The following MMP26 variants were observed in gnomAD, a reference collection of about 807,000 sequenced individuals.
MMP26 encodes matrix metallopeptidase 26.
A neutral mutation model predicts 31.0 loss-of-function variants in MMP26; 33 were observed. The observed-to-expected ratio is 1.06, with a 90% CI of 0.81 to 1.42. The LOEUF is 1.42. Among genes scored for constraint, MMP26 ranks in the 40% most tolerant of loss-of-function variants. The pLI, the probability that MMP26 is intolerant of heterozygous loss-of-function variation, is 0.00. For missense variants in MMP26, 347 were observed against 316.1 expected, an observed-to-expected ratio of 1.10 and a Z score of -0.74; for synonymous variants, 122 against 114.9, an observed-to-expected ratio of 1.06 and a Z score of -0.40.
intron 2 of MMP26, chr11:4,943,620 C>T: frequency 2.7e-6 from 1 of 374,226 alleles, no homozygotes; most frequent in South Asian, 2.1e-5. Flanking sequence ...CACCCACACC[C>T]CCAGGTTGCA....
At chr11:4,851,617 T>A (rs1274252959) in intron 2 of MMP26, among the ~76,000 whole-genome samples, 1 of 151,908 alleles carries the variant, frequency 6.6e-6, no homozygotes, top group African/African-American at 2.4e-5. Flanking sequence ...GAGTAAATTA[T>A]ATATATTATA....
intron 2 of MMP26, among the ~76,000 whole-genome samples, chr11:4,797,304 A>T (rs1480680611): frequency 6.6e-6 from 1 of 151,400 alleles, no homozygotes; most frequent in African/African-American, 2.4e-5. Context: ...TGTGTTTAAT[A>T]AAACCAGCTT....
In MMP26 at chr11:4,989,868, G is replaced by C. The variant is rs369052414; in HGVS notation, c.320G>C (p.Arg107Thr). The C allele has an allele frequency of 6.2e-7, 1 of 1,604,732 alleles. No individual in the cohort carries two copies. The highest frequency in any genetic ancestry group is 1.3e-5 in the African/African-American group (1 of 74,870). ...CKWNKHTLTYRIINYPHDMKP... is the reference protein window; with the variant it reads ...CKWNKHTLTYTIINYPHDMKP... The stretch of plus-strand genomic sequence containing the variant: ...TGGAATAAGCACACTCTAACTTACA[G>C]GTGCTTGTTACTAAGGCCTAGAGGA... Residue 107 changes from arginine to threonine, a missense_variant and splice_region_variant, in exon 4 of 8, where the codon AGG (arginine) becomes ACG (threonine). Transcript: ENST00000380390.
chr11:4,721,321 G>C (rs1848009257), intron 1 of MMP26, among the ~76,000 whole-genome samples: 1 of 152,192 alleles, frequency 6.6e-6, no homozygotes, highest in Non-Finnish European at 1.5e-5. Flanking sequence ...TGCTTTCACA[G>C]TTCACCAAGT....
At chr11:4,944,270 G>C (rs1163378637) in intron 2 of MMP26, 1 of 216,850 alleles carries the variant, frequency 4.6e-6, no homozygotes, top group East Asian at 1.5e-4. Flanking sequence ...TACTATCCTG[G>C]AGCATCAGAG....
At chr11:4,802,242 A>G (rs1849193497) in intron 2 of MMP26, among the ~76,000 whole-genome samples, 2 of 152,194 alleles carry the variant, frequency 1.3e-5, no homozygotes, top group Non-Finnish European at 1.5e-5. Context: ...AAATCATGCA[A>G]ATTAGATGTT....
intron 2 of MMP26, among the ~76,000 whole-genome samples, chr11:4,838,851 G>A (rs949165403): frequency 6.6e-6 from 1 of 152,072 alleles, no homozygotes; most frequent in East Asian, 1.9e-4. Context: ...CAAAAAAGTC[G>A]GATGAGTCCT....
At chr11:4,830,934 G>C (rs7951018) in intron 2 of MMP26, among the ~76,000 whole-genome samples, 12,715 of 152,186 alleles carry the variant, frequency 0.084, 807 homozygotes, top group African/African-American at 0.18. Flanking sequence ...TGCACTGTAA[G>C]GTGGTGAGTA....
intron 1 of MMP26, chr11:4,711,784 C>T (rs1459986139): frequency 6.6e-6 from 1 of 152,148 alleles, no homozygotes; most frequent in South Asian, 2.1e-4. Context: ...TTTAACAAGA[C>T]ATTTACGGAT....
intron 2 of MMP26, chr11:4,804,426 C>A (rs750071003): frequency 9.4e-6 from 13 of 1,376,696 alleles, no homozygotes; most frequent in Non-Finnish European, 1.2e-5. Context: ...CTACTCTCTG[C>A]AGATGATAAC....
At position 4,830,404 on chromosome 11, in the gene MMP26, T is replaced by G. The variant is rs78611590; in HGVS notation, c.-145+63063T>G. Among the ~76,000 whole-genome samples the G allele has an allele frequency of 3.7e-3, 568 of 152,294 alleles. 4 individuals carry two copies. The highest frequency in any genetic ancestry group is 0.011 in the African/African-American group (453 of 41,568). On this transcript the variant is annotated intron_variant, in intron 2 of 7. Coordinates refer to ENST00000380390, the MANE Select transcript of MMP26 (RefSeq NM_021801.5). ...GAGATCAAGCTACATTTTGGAAAAG[T>G]TTTATGGCTGAAAAGACTAGTGTCC...
chr11:4,843,137 C>T (rs1313440574), intron 2 of MMP26, among the ~76,000 whole-genome samples: 1 of 152,212 alleles, frequency 6.6e-6, no homozygotes, highest in African/African-American at 2.4e-5. Flanking sequence ...CACAGGCTGG[C>T]TTTGAGTGCT....
chr11:4,767,055 G>A (rs1848641699), intron 1 of MMP26, among the ~76,000 whole-genome samples: 1 of 151,944 alleles, frequency 6.6e-6, no homozygotes, highest in Non-Finnish European at 1.5e-5. Flanking sequence ...TTACATAATG[G>A]CATTGTTTTA....
intron 2 of MMP26, among the ~76,000 whole-genome samples, chr11:4,838,046 G>A (rs896095457): frequency 3.3e-5 from 5 of 151,558 alleles, no homozygotes; most frequent in African/African-American, 9.7e-5. Context: ...GGCCAGGCAC[G>A]GTGACTCACA....
At chr11:4,963,849 C>T (rs1008891398) in intron 2 of MMP26, among the ~76,000 whole-genome samples, 2 of 152,076 alleles carry the variant, frequency 1.3e-5, no homozygotes, top group Non-Finnish European at 2.9e-5. Flanking sequence ...TTTTGATTTG[C>T]ATTTCTCTAA....
intron 2 of MMP26, among the ~76,000 whole-genome samples, chr11:4,880,952 A>T (rs184255875): frequency 5.3e-5 from 8 of 152,248 alleles, no homozygotes; most frequent in Non-Finnish European, 1.5e-5. Flanking sequence ...TCACTCTGTT[A>T]TTGAGTTGAG....
intron 2 of MMP26, among the ~76,000 whole-genome samples, chr11:4,800,055 G>A (rs1849160901): frequency 6.6e-6 from 1 of 152,144 alleles, no homozygotes; most frequent in Non-Finnish European, 1.5e-5. Context: ...AGCTACTGTT[G>A]GCTCTACTAT....
At chr11:4,907,861 G>A (rs1409133694) in intron 2 of MMP26, 45 of 1,613,678 alleles carry the variant, frequency 2.8e-5, no homozygotes, top group Non-Finnish European at 3.6e-5. Flanking sequence ...TCACCTTAAG[G>A]AGATTAAAAT....
At chr11:4,930,515 C>T (rs552131662) in intron 2 of MMP26, among the ~76,000 whole-genome samples, 1 of 152,196 alleles carries the variant, frequency 6.6e-6, no homozygotes, top group East Asian at 1.9e-4. Flanking sequence ...TTTACCATCT[C>T]CGAATCATGG....
Sources: gnomAD v4.1 joint callset for allele counts (sites outside exome capture counted in the v4.1 genomes callset) on GRCh38, gnomAD v4.1.1 for gene constraint, MANE v1.5 for transcripts, NCBI Gene and HGNC (gene_info 2026-07-23, HGNC 2026-07-21) for gene names.